TSPAN12: variants seen among roughly 807,000 people sequenced by gnomAD.
TSPAN12 encodes tetraspanin-12.
In TSPAN12, 19 loss-of-function variants were observed where a neutral mutation model predicts 39.2. The observed-to-expected ratio is 0.49, with a 90% CI of 0.34 to 0.71. The LOEUF (loss-of-function observed/expected upper bound fraction) is 0.71. TSPAN12 is among the 30% of genes least tolerant of loss of function. The pLI is 0.01. For synonymous variants in TSPAN12, 119 were observed against 124.8 expected, an observed-to-expected ratio of 0.95 and a Z score of 0.31; for missense variants, 314 against 359.9, an observed-to-expected ratio of 0.87 and a Z score of 1.03.
At chr7:120,833,395 CAACAAACA>C (rs1288172941) in intron 4 of TSPAN12, among the ~76,000 whole-genome samples, 4 of 150,602 alleles carry the variant, frequency 2.7e-5, no homozygotes, top group East Asian at 1.9e-4. Flanking sequence ...TGATTTTAAA[CAACAAACA>C]AACAAACAAA....
intron 7 of TSPAN12, among the ~76,000 whole-genome samples, chr7:120,789,588 G>A (rs1254694728): frequency 6.6e-6 from 1 of 152,136 alleles, no homozygotes; most frequent in African/African-American, 2.4e-5. Context: ...TATTCTATAA[G>A]AGCTCATTCA....
At chr7:120,844,803 C>G (rs915673134) in intron 2 of TSPAN12, among the ~76,000 whole-genome samples, 1 of 152,180 alleles carries the variant, frequency 6.6e-6, no homozygotes, top group African/African-American at 2.4e-5. Flanking sequence ...GTGGGTCTAT[C>G]ATTCTGTGGT....
At chr7:120,834,876 C>T (rs746113052) in intron 4 of TSPAN12, among the ~76,000 whole-genome samples, 2 of 152,182 alleles carry the variant, frequency 1.3e-5, no homozygotes, top group African/African-American at 4.8e-5. Flanking sequence ...CAAGACCTTA[C>T]ATCATGTCGC....
chr7:120,810,629 C>CACAT, intron 5 of TSPAN12, 59 bp from the exon 6 acceptor site: 4 of 754,556 alleles, frequency 5.3e-6, no homozygotes, highest in South Asian at 2.8e-5. Context: ...CAGATTCACA[C>CACAT]ACACACACAC....
intron 4 of TSPAN12, among the ~76,000 whole-genome samples, chr7:120,827,822 T>G (rs2116427992): frequency 6.6e-6 from 1 of 152,304 alleles, no homozygotes; most frequent in South Asian, 2.1e-4. Flanking sequence ...CTGACACTAG[T>G]TGTTTAAGAA....
chr7:120,827,849 G>T (rs935563144), intron 4 of TSPAN12, among the ~76,000 whole-genome samples: 14 of 152,154 alleles, frequency 9.2e-5, no homozygotes, highest in South Asian at 4.1e-4. Flanking sequence ...TTTCCCTGAG[G>T]CTGAAAAATC....
At chr7:120,840,804 G>T (rs1210993925) in intron 2 of TSPAN12, among the ~76,000 whole-genome samples, 2 of 152,122 alleles carry the variant, frequency 1.3e-5, no homozygotes, top group African/African-American at 4.8e-5. Context: ...AACTTTTTAT[G>T]GAAGAATTTC....
chr7:120,838,984 A>T, intron 3 of TSPAN12, 72 bp from the exon 4 acceptor site: 1 of 1,484,112 alleles, frequency 6.7e-7, no homozygotes, highest in Non-Finnish European at 9.4e-7. Flanking sequence ...CAGAAGACAC[A>T]ACTGTGATTT....
At chr7:120,815,519 TGAA>T (rs1794062330) in intron 5 of TSPAN12, among the ~76,000 whole-genome samples, 2 of 152,178 alleles carry the variant, frequency 1.3e-5, no homozygotes, top group Admixed American at 6.5e-5. Context: ...TCCCACCATG[TGAA>T]GAAGGTGTCT....
intron 4 of TSPAN12, among the ~76,000 whole-genome samples, chr7:120,835,524 T>A (rs1178082539): frequency 6.6e-6 from 1 of 152,212 alleles, no homozygotes; most frequent in East Asian, 1.9e-4. Context: ...ATCCTCTCTT[T>A]ACTAGCTGTG....
At chr7:120,832,948 A>G (rs1794414462) in intron 4 of TSPAN12, among the ~76,000 whole-genome samples, 1 of 152,164 alleles carries the variant, frequency 6.6e-6, no homozygotes, top group Non-Finnish European at 1.5e-5. Flanking sequence ...TCTTCTAGAA[A>G]CAATGCCAGT....
rs1443603720 is a variant in TSPAN12 at position 120,788,577 on chromosome 7, C to T, written c.*15G>A. The stretch of plus-strand genomic sequence containing the variant: ...AGTAAAACAAGTTTGTGGTTTTCTT[C>T]TGTGACATTTCTTTTTATAACTCCT... On this transcript the variant is annotated 3_prime_UTR_variant, in exon 8 of 8. Transcript: ENST00000222747. 7 of 1,613,894 alleles carry T rather than the reference C, an allele frequency of 4.3e-6. No homozygotes were observed. The highest frequency in any genetic ancestry group is 3.3e-5 in the Admixed American group (2 of 59,996).
At chr7:120,804,263 T>C (rs1186688245) in intron 7 of TSPAN12, among the ~76,000 whole-genome samples, 1 of 152,164 alleles carries the variant, frequency 6.6e-6, no homozygotes, top group Non-Finnish European at 1.5e-5. Context: ...TATTTGAATA[T>C]CCATAATATG....
Position 120,816,600 on chromosome 7 carries a change from G to C in TSPAN12, c.286-797C>G, listed in dbSNP as rs544199875. Among the ~76,000 whole-genome samples, 31 of 152,172 alleles carry C rather than the reference G, an allele frequency of 2.0e-4. 1 individual carries two copies. The South Asian group carries it at 4.2e-3, about 20-fold the overall frequency. The stretch of plus-strand genomic sequence containing the variant: ...AGATCCATCTAGCTGGAGTGGGGTG[G>C]TCAGAAAGAGGAATGAGAAGAGATC... On this transcript the variant is annotated intron_variant, in intron 4 of 7. Transcript: ENST00000222747.
intron 1 of TSPAN12, among the ~76,000 whole-genome samples, 181 bp downstream of exon 1, chr7:120,857,639 G>A (rs561951533): frequency 1.1e-4 from 16 of 152,176 alleles, no homozygotes; most frequent in East Asian, 5.9e-4. Flanking sequence ...AGCACAAAGC[G>A]AGCGCGGCCA....
At position 120,856,235 on chromosome 7, in the gene TSPAN12, G is replaced by A. The variant is rs570787276; in HGVS notation, c.66+463C>T. ...TCAGCCTTTCTGTGATAGGTTATCT[G>A]GGTGTGAATTCCACCACCACCTCCC... On this transcript the variant is annotated intron_variant, in intron 2 of 7. Transcript: ENST00000222747. Among the ~76,000 whole-genome samples the A allele has an allele frequency of 2.0e-5, 3 of 152,210 alleles. No homozygotes were observed. The South Asian group carries it at 6.2e-4, about 32-fold the overall frequency.
intron 5 of TSPAN12, among the ~76,000 whole-genome samples, chr7:120,814,438 T>A (rs766497523): frequency 6.6e-6 from 1 of 152,176 alleles, no homozygotes; most frequent in Non-Finnish European, 1.5e-5. Context: ...AGAATCATCC[T>A]GGGTGGCTCC....
At chr7:120,828,615 T>C (rs981000385) in intron 4 of TSPAN12, among the ~76,000 whole-genome samples, 3 of 151,048 alleles carry the variant, frequency 2.0e-5, no homozygotes, top group Non-Finnish European at 4.4e-5. Context: ...ATGTTCTTAA[T>C]AGAAGACAAC....
intron 1 of TSPAN12, 54 bp from the exon 2 acceptor site, chr7:120,856,887 C>A: frequency 9.2e-7 from 1 of 1,081,954 alleles, no homozygotes; most frequent in South Asian, 1.3e-5. Context: ...ACGCTTCCCA[C>A]AGCCTGCCCG....
Sources: allele counts gnomAD v4.1 joint callset (sites outside exome capture counted in the v4.1 genomes callset), GRCh38; gene constraint gnomAD v4.1.1; transcripts MANE v1.5; gene names NCBI Gene and HGNC (gene_info 2026-07-23, HGNC 2026-07-21).